The following PKP4 variants were observed in gnomAD, a reference collection of about 807,000 sequenced individuals.
PKP4 encodes plakophilin-4.
A neutral mutation model predicts 145.1 loss-of-function variants in PKP4; 90 were observed. That is an observed-to-expected ratio of 0.62 (90% CI 0.52 to 0.74). The LOEUF (loss-of-function observed/expected upper bound fraction) is 0.74, where lower values mean the gene tolerates loss of function less well. Among genes scored for constraint, PKP4 ranks in the 30% least tolerant of loss-of-function variants. The pLI, the probability that PKP4 is intolerant of heterozygous loss-of-function variation, is 0.00. For synonymous variants in PKP4, 563 were observed against 577.2 expected (o/e 0.98, Z 0.35); for missense variants, 1,340 against 1,482.7 (o/e 0.90, Z 1.58).
chr2:158,495,462 G>A (rs752671613), intron 1 of PKP4, among the ~76,000 whole-genome samples: 4 of 151,784 alleles, frequency 2.6e-5, no homozygotes, highest in South Asian at 2.1e-4. Flanking sequence ...CTGCTGAGTC[G>A]CTTATACTCT....
chr2:158,662,649 C>T, intron 13 of PKP4: 1 of 335,710 alleles, frequency 3.0e-6, no homozygotes, highest in Non-Finnish European at 5.4e-6. Flanking sequence ...GGGCCGGAGC[C>T]TCAAGCATTT....
intron 3 of PKP4, among the ~76,000 whole-genome samples, chr2:158,578,506 T>TAAGG (rs10628297): frequency 0.71 from 108,275 of 151,474 alleles, 39,873 homozygotes; most frequent in Non-Finnish European, 0.8. Context: ...AATAATTCGT[T>TAAGG]AAGTTAAAAC....
In PKP4 at chr2:158,640,755, T is replaced by C. The variant is rs2054210219; in HGVS notation, c.1691T>C (p.Met564Thr). The change falls in exon 10 of 22, where the codon ATG (methionine) becomes ACG (threonine). Residue 564 changes from methionine to threonine, a missense_variant. Physicochemically the swap from Met to Thr is moderately conservative, Grantham distance 81. Transcript: ENST00000389759. ...HLCFGDNKVK[M>T]EVCRLGGIKH... ...TGCTTTGGTGACAACAAAGTGAAGA[T>C]GGAGGTACAGGACATGGTGCCTGGG... 6.2e-7 allele frequency: 1 copy of C among 1,614,040 alleles called. No homozygotes were observed. The highest frequency in any genetic ancestry group is 1.1e-5 in the South Asian group (1 of 91,074).
intron 19 of PKP4, among the ~76,000 whole-genome samples, chr2:158,675,940 G>T (rs1476328646): frequency 6.6e-6 from 1 of 152,130 alleles, no homozygotes; most frequent in Non-Finnish European, 1.5e-5. Flanking sequence ...AACTTTAGGG[G>T]AAGCAAGATG....
At chr2:158,543,316 G>A (rs1014620814) in intron 2 of PKP4, among the ~76,000 whole-genome samples, 3 of 152,176 alleles carry the variant, frequency 2.0e-5, no homozygotes, top group African/African-American at 4.8e-5. Flanking sequence ...TTTGTGGAAT[G>A]TGTTTTAGAT....
chr2:158,655,216 A>G (rs1406714976), intron 11 of PKP4, among the ~76,000 whole-genome samples: 2 of 152,214 alleles, frequency 1.3e-5, no homozygotes, highest in Admixed American at 6.5e-5. Context: ...TCCCAAGTAT[A>G]TATACTGGCT....
intron 6 of PKP4, 57 bp downstream of exon 6, chr2:158,621,478 G>T (rs2052233037): frequency 1.8e-5 from 26 of 1,433,974 alleles, no homozygotes; most frequent in Non-Finnish European, 9.7e-7. Flanking sequence ...GGGCACAGTG[G>T]CTCATGCCTG....
Position 158,661,387 on chromosome 2 carries a change from G to C in PKP4, c.2148G>C (p.Gly716=). ...GGAAGCAAATGCGGTCCTGCGAGGG[G>C]CTGGTAGACTCACTGTTGTATGTGA... is the stretch of plus-strand genomic sequence containing the variant. The part of the protein sequence containing the change: ...EARKQMRSCE[G]LVDSLLYVIH... Residue 716 remains glycine, a synonymous_variant, in exon 13 of 22, where the codon GGG becomes GGC. Coordinates refer to ENST00000389759, the MANE Select transcript of PKP4 (RefSeq NM_003628.6). The C allele has an allele frequency of 6.2e-7, 1 of 1,613,928 alleles. No homozygotes were observed. The highest frequency in any genetic ancestry group is 1.1e-5 in the South Asian group (1 of 91,072).
intron 2 of PKP4, among the ~76,000 whole-genome samples, chr2:158,547,167 C>T (rs76400945): frequency 1.3e-5 from 2 of 152,004 alleles, no homozygotes. Context: ...CCCAGCAGTT[C>T]TCCTGGGTCA....
intron 11 of PKP4, among the ~76,000 whole-genome samples, chr2:158,643,243 G>A (rs2054472113): frequency 6.6e-6 from 1 of 152,174 alleles, no homozygotes; most frequent in African/African-American, 2.4e-5. Flanking sequence ...CTCAACAGAG[G>A]TTGCATTGGG....
chr2:158,518,410 T>G (rs2042099184), intron 1 of PKP4, among the ~76,000 whole-genome samples: 1 of 152,126 alleles, frequency 6.6e-6, no homozygotes, highest in Non-Finnish European at 1.5e-5. Flanking sequence ...ATTCCAGGGG[T>G]GGGGCAGTAG....
At position 158,573,184 on chromosome 2, in the gene PKP4, A is replaced by G. The variant is rs79483786; in HGVS notation, c.133-4087A>G. Among the ~76,000 whole-genome samples the G allele has an allele frequency of 8.4e-3, 1,280 of 152,374 alleles. 17 individuals carry two copies. The highest frequency in any genetic ancestry group is 0.028 in the African/African-American group (1,173 of 41,584). ...GAATACTATTGGGCAGTGAAAATAGATTAGCTAGATCTACATGTATTGATG... is the reference window on the plus strand; with the variant it reads ...GAATACTATTGGGCAGTGAAAATAGGTTAGCTAGATCTACATGTATTGATG... On this transcript the variant is annotated intron_variant, in intron 2 of 21. Transcript: ENST00000389759.
At chr2:158,591,238 A>G (rs998968200) in intron 3 of PKP4, among the ~76,000 whole-genome samples, 3 of 152,028 alleles carry the variant, frequency 2.0e-5, no homozygotes, top group South Asian at 2.1e-4. Flanking sequence ...AAACCACCCA[A>G]CTGTTTTTAA....
At chr2:158,469,970 CCTGGCCCTTCGCT>C (rs1691290999) in intron 1 of PKP4, among the ~76,000 whole-genome samples, 1 of 152,082 alleles carries the variant, frequency 6.6e-6, no homozygotes, top group Admixed American at 6.5e-5. Flanking sequence ...TGAAGCCTTC[CCTGGCCCTTCGCT>C]CTGCCCAACT....
intron 1 of PKP4, among the ~76,000 whole-genome samples, chr2:158,520,301 T>C (rs1209645294): frequency 6.6e-6 from 1 of 152,212 alleles, no homozygotes; most frequent in Non-Finnish European, 1.5e-5. Context: ...CGTTATTGAA[T>C]GTTATACAGG....
intron 1 of PKP4, among the ~76,000 whole-genome samples, chr2:158,528,404 A>T (rs7585999): frequency 1.0e-5 from 1 of 97,598 alleles, no homozygotes; most frequent in African/African-American, 3.7e-5. Context: ...ACCAAACACC[A>T]CATATTCTCA....
chr2:158,668,325 T>G (rs565253556), intron 16 of PKP4, among the ~76,000 whole-genome samples: 12 of 152,324 alleles, frequency 7.9e-5, no homozygotes, highest in African/African-American at 2.9e-4. Flanking sequence ...CTAGGAACCT[T>G]CCCCTTCTCT....
intron 1 of PKP4, among the ~76,000 whole-genome samples, chr2:158,475,460 A>C (rs964811026): frequency 6.6e-6 from 1 of 152,164 alleles, no homozygotes; most frequent in African/African-American, 2.4e-5. Context: ...TATTGTTCTC[A>C]GTAGGTAGGA....
intron 1 of PKP4, among the ~76,000 whole-genome samples, chr2:158,520,311 G>T (rs2042263886): frequency 6.6e-6 from 1 of 152,088 alleles, no homozygotes; most frequent in Non-Finnish European, 1.5e-5. Context: ...TGTTATACAG[G>T]GCTGAGGGTA....
Sources: allele counts gnomAD v4.1 joint callset (sites outside exome capture counted in the v4.1 genomes callset), GRCh38; gene constraint gnomAD v4.1.1; transcripts MANE v1.5; gene names NCBI Gene and HGNC (gene_info 2026-07-23, HGNC 2026-07-21).